The following PAPSS1 variants were observed in gnomAD, a reference collection of about 807,000 sequenced individuals.
The protein encoded by PAPSS1 is 3'-phosphoadenosine 5'-phosphosulfate synthase 1, also known as bifunctional 3'-phosphoadenosine 5'-phosphosulfate synthase 1.
A neutral mutation model predicts 72.0 loss-of-function variants in PAPSS1; 50 were observed. The ratio of observed to expected loss-of-function variants is 0.69; its 90% CI spans 0.55 to 0.88. The LOEUF is 0.88. Among genes scored for constraint, PAPSS1 ranks in the 40% least tolerant of loss-of-function variants. PAPSS1 has a pLI of 0.00. For missense variants in PAPSS1, 657 were observed against 782.2 expected (o/e 0.84, Z 1.91); for synonymous variants, 261 against 263.6 (o/e 0.99, Z 0.09).
chr4:107,618,405 G>C (rs1462265469), intron 11 of PAPSS1, among the ~76,000 whole-genome samples: 1 of 151,466 alleles, frequency 6.6e-6, no homozygotes, highest in African/African-American at 2.4e-5. Flanking sequence ...ACGAGAGAAG[G>C]CTTACCAAGT....
intron 9 of PAPSS1, among the ~76,000 whole-genome samples, chr4:107,651,751 ACAATT>A (rs1347908926): frequency 2.0e-5 from 3 of 152,308 alleles, no homozygotes; most frequent in South Asian, 2.1e-4. Context: ...TATAGGAACT[ACAATT>A]CAAGATGAGA....
intron 8 of PAPSS1, among the ~76,000 whole-genome samples, chr4:107,654,393 G>T (rs1215735300): frequency 6.6e-6 from 1 of 152,188 alleles, no homozygotes; most frequent in Non-Finnish European, 1.5e-5. Flanking sequence ...CACACGACGA[G>T]ATTGTATACT....
intron 5 of PAPSS1, among the ~76,000 whole-genome samples, chr4:107,666,628 C>T (rs1016700847): frequency 2.0e-5 from 3 of 152,126 alleles, no homozygotes; most frequent in Non-Finnish European, 4.4e-5. Context: ...GTACAGCATA[C>T]TAAAAACATT....
rs1481764741 is a variant in PAPSS1, at chr4:107,701,289, GA to G, written c.61-5del. Reference sequence around the variant, plus strand: ...CATTGGTTGCTCTCTGCATTCCCTAGAAAAAAAAGAAAAAAAAAATTCTAGT... The same window carrying G: ...CATTGGTTGCTCTCTGCATTCCCTAGAAAAAAAGAAAAAAAAAATTCTAGT... On this transcript the variant is annotated splice_region_variant and splice_polypyrimidine_tract_variant and intron_variant, in intron 1 of 11. Transcript: ENST00000265174. 7.2e-6 allele frequency: 11 copies of G among 1,524,086 alleles called. No individual in the cohort carries two copies. Among genetic ancestry groups the G allele is most frequent in the East Asian group, 7.0e-5 (3 of 42,762 alleles). 94.4% of individuals were successfully genotyped at this position (1,524,086 alleles called of 1,614,324 possible).
At position 107,656,880 on chromosome 4, in the gene PAPSS1, A is replaced by T; in HGVS notation, c.895+16T>A. ...TCTTCCACATACAATATAATTTTGA[A>T]TGTAAAATGTCTTACCATCCAGAAG... On this transcript the variant is annotated intron_variant, in intron 7 of 11. Transcript: ENST00000265174. The T allele has an allele frequency of 6.9e-7, 1 of 1,459,420 alleles. No individual in the cohort carries two copies. Among genetic ancestry groups the T allele is most frequent in the Admixed American group, 1.7e-5 (1 of 59,736 alleles). The allele number at this position is 1,459,420 out of a possible 1,614,324, so 90.4% of individuals were successfully genotyped here.
At chr4:107,625,814 A>G (rs1726079935) in intron 11 of PAPSS1, among the ~76,000 whole-genome samples, 1 of 152,200 alleles carries the variant, frequency 6.6e-6, no homozygotes, top group Non-Finnish European at 1.5e-5. Flanking sequence ...CATGGAAAGT[A>G]TATCTGAAAA....
intron 11 of PAPSS1, among the ~76,000 whole-genome samples, chr4:107,622,143 G>C (rs949941337): frequency 6.6e-6 from 1 of 152,176 alleles, no homozygotes; most frequent in African/African-American, 2.4e-5. Context: ...TTTAGAGAAA[G>C]AGAAAATGAC....
At chr4:107,659,855 G>GGTAATACCACCC in intron 6 of PAPSS1, 104 bp downstream of exon 6, 1 of 634,632 alleles carries the variant, frequency 1.6e-6, no homozygotes, top group South Asian at 1.9e-5. Flanking sequence ...TGCCCCCCCA[G>GGTAATACCACCC]CTAATACCAC....
At chr4:107,657,726 TAG>T (rs1161757647) in intron 6 of PAPSS1, among the ~76,000 whole-genome samples, 2 of 148,134 alleles carry the variant, frequency 1.4e-5, no homozygotes, top group Admixed American at 6.7e-5. Flanking sequence ...GCCTGGGCAG[TAG>T]AGTGAGACCA....
intron 9 of PAPSS1, among the ~76,000 whole-genome samples, chr4:107,646,866 T>C (rs1051054954): frequency 6.6e-6 from 1 of 152,184 alleles, no homozygotes; most frequent in Non-Finnish European, 1.5e-5. Flanking sequence ...AATTCACCAT[T>C]ACCTACCTCA....
At chr4:107,644,780 G>A in intron 10 of PAPSS1, 22 bp downstream of exon 10, 1 of 1,587,894 alleles carries the variant, frequency 6.3e-7, no homozygotes, top group Non-Finnish European at 8.6e-7. Flanking sequence ...CTGCTGCAGT[G>A]AAAATCTTAC....
intron 5 of PAPSS1, among the ~76,000 whole-genome samples, chr4:107,660,957 T>G (rs537417299): frequency 6.6e-6 from 1 of 152,158 alleles, no homozygotes; most frequent in Admixed American, 6.5e-5. Context: ...AAAAGTTATA[T>G]CTTTAGATAA....
At chr4:107,706,370 G>A in intron 1 of PAPSS1, among the ~76,000 whole-genome samples, 1 of 151,992 alleles carries the variant, frequency 6.6e-6, no homozygotes, top group Non-Finnish European at 1.5e-5. Context: ...CTGTCTTCAA[G>A]TACAATTATT....
Position 107,673,491 on chromosome 4 carries a change from C to T in PAPSS1, c.669+8524G>A, listed in dbSNP as rs184709020. On this transcript the variant is annotated intron_variant, in intron 5 of 11. Transcript: ENST00000265174. Reference sequence around the variant, plus strand: ...GGAAGATTAAATGAATGAAATGAAGCGAGAAGAGAAGTTTAGAGAAAAAAA... The same window carrying T: ...GGAAGATTAAATGAATGAAATGAAGTGAGAAGAGAAGTTTAGAGAAAAAAA... Among the ~76,000 whole-genome samples, 894 of 151,526 alleles carry T rather than the reference C, an allele frequency of 5.9e-3. 6 individuals carry two copies. Among genetic ancestry groups the T allele is most frequent in the South Asian group, 0.036 (170 of 4,736 alleles).
intron 9 of PAPSS1, among the ~76,000 whole-genome samples, chr4:107,649,381 C>T (rs977393853): frequency 1.3e-5 from 2 of 152,252 alleles, no homozygotes; most frequent in Admixed American, 6.5e-5. Flanking sequence ...CCTGCTCTCA[C>T]CCCTTTGGGA....
chr4:107,615,084 G>A (rs1725785537), intron 11 of PAPSS1, among the ~76,000 whole-genome samples: 1 of 98,822 alleles, frequency 1.0e-5, no homozygotes, highest in African/African-American at 3.5e-5. Context: ...GAGTAAAATT[G>A]AATTTTTTTT....
intron 5 of PAPSS1, among the ~76,000 whole-genome samples, chr4:107,662,919 G>A (rs1023888077): frequency 3.9e-5 from 6 of 152,108 alleles, no homozygotes; most frequent in African/African-American, 7.2e-5. Flanking sequence ...AGGACAATAC[G>A]ATGTGCATTA....
At chr4:107,686,980 T>C (rs1722802916) in intron 4 of PAPSS1, 59 bp downstream of exon 4, 1 of 1,450,964 alleles carries the variant, frequency 6.9e-7, no homozygotes, top group African/African-American at 1.4e-5. Flanking sequence ...ATATCAATCC[T>C]AGATATGGGA....
intron 10 of PAPSS1, among the ~76,000 whole-genome samples, chr4:107,634,796 C>CT (rs1560566992): frequency 9.4e-6 from 1 of 106,360 alleles, no homozygotes; most frequent in African/African-American, 4.4e-5. Flanking sequence ...ATATTCTAGA[C>CT]ATTTTTTTTT....
Sources: allele counts gnomAD v4.1 joint callset (sites outside exome capture counted in the v4.1 genomes callset), GRCh38; gene constraint gnomAD v4.1.1; transcripts MANE v1.5; gene names NCBI Gene and HGNC (gene_info 2026-07-23, HGNC 2026-07-21).